The following CLSTN2 variants were observed in gnomAD, a reference collection of about 807,000 sequenced individuals.
CLSTN2 encodes calsyntenin 2.
In CLSTN2, 48 loss-of-function variants were observed where a neutral mutation model predicts 101.2. The ratio of observed to expected loss-of-function variants is 0.47; its 90% CI spans 0.38 to 0.60. The LOEUF (loss-of-function observed/expected upper bound fraction) is 0.60, where lower values mean the gene tolerates loss of function less well. Ranked by LOEUF, CLSTN2 falls within the 20% of genes least tolerant of loss-of-function variation. CLSTN2 has a pLI of 0.00. For missense variants in CLSTN2, 1,160 were observed against 1,238.2 expected, an observed-to-expected ratio of 0.94 and a Z score of 0.95; for synonymous variants, 481 against 463.6, an observed-to-expected ratio of 1.04 and a Z score of -0.48.
chr3:140,161,675 C>A (rs1453915886), intron 1 of CLSTN2, among the ~76,000 whole-genome samples: 1 of 152,112 alleles, frequency 6.6e-6, no homozygotes, highest in African/African-American at 2.4e-5. Flanking sequence ...GTTATCCTTT[C>A]TTTCTCTCCC....
chr3:139,988,132 CG>C (rs1260530159), intron 1 of CLSTN2, among the ~76,000 whole-genome samples: 1 of 152,152 alleles, frequency 6.6e-6, no homozygotes, highest in Admixed American at 6.5e-5. Flanking sequence ...TTGCTGAGTG[CG>C]GCTGGAGCTG....
rs2010781596 is a variant in CLSTN2 at position 140,206,313 on chromosome 3, C to T, written c.232+30240C>T. 2.0e-5 allele frequency among the ~76,000 whole-genome samples: 3 copies of T among 152,258 alleles called. No individual in the cohort carries two copies. The South Asian group carries it at 6.2e-4, about 32-fold the overall frequency. On this transcript the variant is annotated intron_variant, in intron 2 of 16. Coordinates refer to ENST00000458420, the MANE Select transcript of CLSTN2 (RefSeq NM_022131.3). ...GGCAGAGGCATGGAGAGACACATCT[C>T]CTATAGATTGGGCTAGCCCTGCAGA... is the stretch of plus-strand genomic sequence containing the variant.
intron 13 of CLSTN2, 63 bp from the exon 14 acceptor site, chr3:140,562,748 C>A: frequency 6.4e-7 from 1 of 1,567,956 alleles, no homozygotes; most frequent in Non-Finnish European, 8.7e-7. Flanking sequence ...CCTGGCTTGT[C>A]TCCTCTCTTC....
chr3:140,051,063 C>T (rs1014168225), intron 1 of CLSTN2, among the ~76,000 whole-genome samples: 2 of 152,184 alleles, frequency 1.3e-5, no homozygotes, highest in Admixed American at 6.5e-5. Context: ...TGGCTGGGCC[C>T]GGGGGCTGGC....
At chr3:140,385,923 C>T (rs11921864) in intron 2 of CLSTN2, among the ~76,000 whole-genome samples, 4,763 of 152,158 alleles carry the variant, frequency 0.031, 100 homozygotes, top group Middle Eastern at 0.041. Flanking sequence ...AAGAGAAGCA[C>T]GGAGGCAGGA....
At chr3:140,055,825 T>C (rs1338252697) in intron 1 of CLSTN2, among the ~76,000 whole-genome samples, 2 of 152,026 alleles carry the variant, frequency 1.3e-5, no homozygotes, top group African/African-American at 2.4e-5. Context: ...GGCACAATAA[T>C]GTGTAAAAGA....
chr3:140,131,824 A>C (rs2009526811), intron 1 of CLSTN2, among the ~76,000 whole-genome samples: 1 of 152,176 alleles, frequency 6.6e-6, no homozygotes, highest in Non-Finnish European at 1.5e-5. Flanking sequence ...ATGGATTGGA[A>C]GAAAAGATAC....
intron 2 of CLSTN2, among the ~76,000 whole-genome samples, chr3:140,308,205 G>C (rs1249664219): frequency 6.6e-6 from 1 of 152,176 alleles, no homozygotes; most frequent in Non-Finnish European, 1.5e-5. Flanking sequence ...TATCCACTTA[G>C]GAACCAGGCA....
At chr3:140,523,776 T>C (rs349568) in intron 8 of CLSTN2, among the ~76,000 whole-genome samples, 38,824 of 152,116 alleles carry the variant, frequency 0.26, 6,740 homozygotes, top group African/African-American at 0.48. Flanking sequence ...CAATCCCTTT[T>C]GCTATCCTGT....
chr3:140,133,017 T>A (rs76615289), intron 1 of CLSTN2, among the ~76,000 whole-genome samples: 30,014 of 152,020 alleles, frequency 0.2, 3,127 homozygotes, highest in East Asian at 0.36. Flanking sequence ...TTATTTTTTT[T>A]AAAAAAGAGG....
chr3:140,577,264 T>C lies in CLSTN2; in HGVS notation c.*11011T>C, dbSNP rs931209931. The stretch of plus-strand genomic sequence containing the variant: ...TGCAGTTTTCAAGTAATTTGTTAAA[T>C]GCCTATTCAACACAGACAGATTTTT... On this transcript the variant is annotated 3_prime_UTR_variant, in exon 17 of 17. Coordinates refer to ENST00000458420, the MANE Select transcript of CLSTN2 (RefSeq NM_022131.3). 24 of 152,258 alleles carry C rather than the reference T, an allele frequency of 1.6e-4. No individual in the cohort carries two copies. The highest frequency in any genetic ancestry group is 5.5e-4 in the African/African-American group (23 of 41,478). The allele number at this position is 152,258 out of a possible 1,614,324, so 9.4% of individuals were successfully genotyped here. A position where few individuals can be genotyped will look rare whatever the true frequency, so the allele number is the denominator to read the frequency against.
At chr3:139,951,943 G>A (rs1311537243) in intron 1 of CLSTN2, among the ~76,000 whole-genome samples, 1 of 152,218 alleles carries the variant, frequency 6.6e-6, no homozygotes, top group Non-Finnish European at 1.5e-5. Flanking sequence ...TTTTTATTTT[G>A]TTTTTGTTTT....
At chr3:140,425,936 A>G (rs368905374) in intron 5 of CLSTN2, among the ~76,000 whole-genome samples, 18 of 152,208 alleles carry the variant, frequency 1.2e-4, no homozygotes, top group African/African-American at 4.3e-4. Flanking sequence ...AGGGAGAACT[A>G]CTTCTCTTTG....
intron 10 of CLSTN2, 144 bp downstream of exon 10, chr3:140,546,825 G>T: frequency 1.5e-6 from 1 of 686,284 alleles, no homozygotes. Context: ...CACGAGATGG[G>T]GGTTCCGGAG....
At chr3:140,342,242 T>C (rs1441081298) in intron 2 of CLSTN2, among the ~76,000 whole-genome samples, 52 of 152,120 alleles carry the variant, frequency 3.4e-4, no homozygotes, top group Non-Finnish European at 4.4e-5. Flanking sequence ...TATTGCAAGA[T>C]GTTTAGCAGC....
At chr3:140,263,122 C>T (rs2086668027) in intron 2 of CLSTN2, among the ~76,000 whole-genome samples, 2 of 150,634 alleles carry the variant, frequency 1.3e-5, no homozygotes, top group South Asian at 4.2e-4. Context: ...AAGTAGTGTC[C>T]TCAGAGGATA....
chr3:140,256,986 G>A (rs184623063), intron 2 of CLSTN2, among the ~76,000 whole-genome samples: 2 of 152,168 alleles, frequency 1.3e-5, no homozygotes, highest in South Asian at 2.1e-4. Context: ...AGAGCAATGT[G>A]TGTATAGAAA....
At chr3:140,234,445 G>A (rs544283632) in intron 2 of CLSTN2, among the ~76,000 whole-genome samples, 131 of 152,178 alleles carry the variant, frequency 8.6e-4, no homozygotes, top group African/African-American at 2.8e-3. Context: ...TCAGGGTCTC[G>A]GTTTTCGCCT....
intron 1 of CLSTN2, among the ~76,000 whole-genome samples, chr3:140,036,917 A>C (rs1324310914): frequency 1.3e-5 from 2 of 152,020 alleles, no homozygotes; most frequent in Non-Finnish European, 2.9e-5. Flanking sequence ...ATGCTTTTTC[A>C]ATTAAAACAC....
Sources: gnomAD v4.1 joint callset for allele counts (sites outside exome capture counted in the v4.1 genomes callset) on GRCh38, gnomAD v4.1.1 for gene constraint, MANE v1.5 for transcripts, NCBI Gene and HGNC (gene_info 2026-07-23, HGNC 2026-07-21) for gene names.